Variants in ENTREP2 observed in about 807,000 individuals in gnomAD.
ENTREP2 encodes the protein endosomal transmembrane epsin interactor 2.
At chr15:29,214,033 GAAAC>G in the ENTREP2 span, among the ~76,000 whole-genome samples, 49,931 of 151,632 alleles carry the variant, frequency 0.33, 9,689 homozygotes, top group East Asian at 0.6. Context: ...AAAAATTCAG[GAAAC>G]AATAGGTGCT....
chr15:29,589,653 C>T, the ENTREP2 span, among the ~76,000 whole-genome samples: 1 of 152,328 alleles, frequency 6.6e-6, no homozygotes, highest in Non-Finnish European at 1.5e-5. Context: ...CTAACATAGA[C>T]TGCCTGCCCC....
At chr15:29,389,835 C>T in the ENTREP2 span, among the ~76,000 whole-genome samples, 4 of 151,942 alleles carry the variant, frequency 2.6e-5, no homozygotes, top group African/African-American at 9.7e-5. Context: ...GAGTGGGACA[C>T]TGGATCATTT....
chr15:29,547,217 C>G, the ENTREP2 span, among the ~76,000 whole-genome samples: 1 of 151,114 alleles, frequency 6.6e-6, no homozygotes, highest in Non-Finnish European at 1.5e-5. Flanking sequence ...TCCCAAGTAG[C>G]TGGGATTATA....
the ENTREP2 span, among the ~76,000 whole-genome samples, chr15:29,274,619 A>G: frequency 6.6e-6 from 1 of 152,218 alleles, no homozygotes; most frequent in Non-Finnish European, 1.5e-5. Flanking sequence ...GGGTAGTTTG[A>G]TAACAATTTG....
At chr15:29,286,413 A>C in the ENTREP2 span, among the ~76,000 whole-genome samples, 1 of 152,186 alleles carries the variant, frequency 6.6e-6, no homozygotes, top group South Asian at 2.1e-4. Context: ...TATGTGGTAC[A>C]TTTTCCCAAA....
At chr15:29,182,645 T>C in the ENTREP2 span, among the ~76,000 whole-genome samples, 2 of 151,726 alleles carry the variant, frequency 1.3e-5, no homozygotes, top group African/African-American at 4.9e-5. Context: ...TGTGTGTATA[T>C]ATGAGAAAGA....
the ENTREP2 span, among the ~76,000 whole-genome samples, chr15:29,338,897 A>T: frequency 1.3e-5 from 1 of 75,026 alleles, no homozygotes; most frequent in African/African-American, 3.2e-5. Context: ...AGCAAATAAT[A>T]CTCCCCACTC....
chr15:29,604,973 GTATT>G, the ENTREP2 span, among the ~76,000 whole-genome samples: 2 of 152,182 alleles, frequency 1.3e-5, no homozygotes, highest in Non-Finnish European at 2.9e-5. Flanking sequence ...ACAAACCGTG[GTATT>G]TATAGGAGTA....
At chr15:29,522,137 T>C in the ENTREP2 span, among the ~76,000 whole-genome samples, 1 of 152,138 alleles carries the variant, frequency 6.6e-6, no homozygotes, top group African/African-American at 2.4e-5. Context: ...TAGTTTCAAA[T>C]GAATCACAGA....
At chr15:29,271,655 C>A in the ENTREP2 span, among the ~76,000 whole-genome samples, 1 of 151,976 alleles carries the variant, frequency 6.6e-6, no homozygotes, top group African/African-American at 2.4e-5. Context: ...GTGCATGTAG[C>A]CCCTGTCACA....
At chr15:29,199,284 G>A in the ENTREP2 span, among the ~76,000 whole-genome samples, 2 of 152,144 alleles carry the variant, frequency 1.3e-5, no homozygotes, top group African/African-American at 2.4e-5. Context: ...AGATAAGAAA[G>A]TACTGGAAGA....
chr15:29,265,073 T>C, the ENTREP2 span: 4 of 152,196 alleles, frequency 2.6e-5, no homozygotes, highest in African/African-American at 9.7e-5. Context: ...TAGTTTTTTT[T>C]CTGAACATCT....
At chr15:29,652,218 G>T in the ENTREP2 span, among the ~76,000 whole-genome samples, 1 of 152,186 alleles carries the variant, frequency 6.6e-6, no homozygotes. Flanking sequence ...CTGTGGAAAT[G>T]ACAGGACAAC....
chr15:29,525,557 A>T, the ENTREP2 span, among the ~76,000 whole-genome samples: 2 of 152,374 alleles, frequency 1.3e-5, no homozygotes, highest in South Asian at 4.1e-4. Context: ...CTACCAGGCA[A>T]TTAAAGGGGC....
chr15:29,594,929 G>A, the ENTREP2 span, among the ~76,000 whole-genome samples: 2 of 151,886 alleles, frequency 1.3e-5, no homozygotes, highest in African/African-American at 4.8e-5. Context: ...TTAGCCGGGC[G>A]TGGTGGCAGG....
the ENTREP2 span, among the ~76,000 whole-genome samples, chr15:29,571,778 T>A: frequency 6.6e-6 from 1 of 152,202 alleles, no homozygotes; most frequent in Non-Finnish European, 1.5e-5. Context: ...CCTGCAAGTT[T>A]TGATTGCCAT....
the ENTREP2 span, among the ~76,000 whole-genome samples, chr15:29,389,274 C>T: frequency 6.6e-6 from 1 of 152,054 alleles, no homozygotes; most frequent in East Asian, 1.9e-4. Context: ...TCTGTTAGGT[C>T]ACCTAGTCTA....
At chr15:29,668,215 C>T in the ENTREP2 span, among the ~76,000 whole-genome samples, 1 of 152,210 alleles carries the variant, frequency 6.6e-6, no homozygotes, top group African/African-American at 2.4e-5. Context: ...CAACAGGCCG[C>T]TCGGGCCTCT....
chr15:29,518,824 C>T, the ENTREP2 span, among the ~76,000 whole-genome samples: 2 of 152,192 alleles, frequency 1.3e-5, no homozygotes. Context: ...AAAAGACCAC[C>T]ACCTGACAAA....
Sources: gnomAD v4.1 joint callset for allele counts (sites outside exome capture counted in the v4.1 genomes callset) on GRCh38, gnomAD v4.1.1 for gene constraint, MANE v1.5 for transcripts, NCBI Gene and HGNC (gene_info 2026-07-23, HGNC 2026-07-21) for gene names.